LRRC56: variants seen among roughly 807,000 people sequenced by gnomAD.
LRRC56 encodes leucine-rich repeat-containing protein 56.
Under a neutral mutation model 47.8 loss-of-function variants are expected in LRRC56, and 41 were observed. The ratio of observed to expected loss-of-function variants is 0.86; its 90% CI spans 0.67 to 1.11. The LOEUF (loss-of-function observed/expected upper bound fraction) is 1.11. LRRC56 is among the 50% of genes most tolerant of loss of function. The pLI is 0.00. For missense variants in LRRC56, 759 were observed against 704.2 expected (o/e 1.08, Z -0.88); for synonymous variants, 387 against 311.2 (o/e 1.24, Z -2.56).
rs71022928 is a variant in LRRC56 at position 542,580 on chromosome 11, C to CAAAAAAAAAAAAAAAAA, written c.265+964_265+980dup. On this transcript the variant is annotated intron_variant, in intron 5 of 13. Transcript: ENST00000270115. Reference sequence around the variant, plus strand: ...TGGGCGACAGAGCAAAACCCTGTCGCAAAAAAAAAAAAAAAAAAAAAAAAC... The same window carrying CAAAAAAAAAAAAAAAAA: ...TGGGCGACAGAGCAAAACCCTGTCGCAAAAAAAAAAAAAAAAAAAAAAAAAAAAAAAAAAAAAAAAAC... 1.6e-3 allele frequency among the ~76,000 whole-genome samples: 42 copies of CAAAAAAAAAAAAAAAAA among 25,988 alleles called. 2 individuals carry two copies. Among genetic ancestry groups the CAAAAAAAAAAAAAAAAA allele is most frequent in the African/African-American group, 4.5e-3 (21 of 4,648 alleles). The allele number at this position is 25,988 out of a possible 152,430, so 17.0% of individuals were successfully genotyped here.
chr11:521,184 T>TA, the LRRC56 span, among the ~76,000 whole-genome samples: 96 of 152,298 alleles, frequency 6.3e-4, no homozygotes, highest in Non-Finnish European at 1.0e-3. Context: ...AGACCTTCAC[T>TA]AGCCACTGGT....
chr11:528,074 G>A, the LRRC56 span, among the ~76,000 whole-genome samples: 1 of 151,774 alleles, frequency 6.6e-6, no homozygotes, highest in East Asian at 2.0e-4. Context: ...GACCTCAGGT[G>A]ATCCACCCGC....
upstream of LRRC56, among the ~76,000 whole-genome samples, chr11:536,151 T>C (rs1851483580): frequency 6.6e-6 from 1 of 152,198 alleles, no homozygotes; most frequent in African/African-American, 2.4e-5. Context: ...CCGAGGACGC[T>C]TGCAGCCCCG....
the LRRC56 span, among the ~76,000 whole-genome samples, chr11:513,960 G>T: frequency 6.6e-6 from 1 of 152,138 alleles, no homozygotes; most frequent in African/African-American, 2.4e-5. Context: ...GTGATTGCTG[G>T]CACTTTCTAT....
chr11:549,778 TTC>T, intron 6 of LRRC56, 122 bp from the exon 7 acceptor site: 4 of 732,082 alleles, frequency 5.5e-6, no homozygotes, highest in Admixed American at 4.9e-5. Context: ...AGAGAGCCCC[TTC>T]CTCAGTCTAG....
the LRRC56 span, among the ~76,000 whole-genome samples, chr11:510,907 C>CTAAA: frequency 6.6e-6 from 1 of 150,688 alleles, no homozygotes; most frequent in Non-Finnish European, 1.5e-5. Context: ...AACCATGTCT[C>CTAAA]TAAATAAATA....
chr11:537,175 G>A (rs558043515), upstream of LRRC56: 3 of 152,372 alleles, frequency 2.0e-5, no homozygotes, highest in African/African-American at 7.2e-5. Flanking sequence ...CTCCAGCAGA[G>A]ACCGCCTTTA....
rs1378018060 is a variant in LRRC56, at chr11:541,199, G to T, written c.177+338G>T. ...CCAAAGAGGGGGGTCCTTCACTCAA[G>T]CGGGAGACCAGATGGCTCAAAGCTC... On this transcript the variant is annotated intron_variant, in intron 4 of 13. Transcript: ENST00000270115. This position sits in a 1 kb window ranked among gnomAD's most constrained non-coding sequence, Gnocchi z 4.1. Among the ~76,000 whole-genome samples the T allele has an allele frequency of 3.3e-5, 5 of 152,190 alleles. No individual in the cohort carries two copies. The highest frequency in any genetic ancestry group is 5.9e-5 in the Non-Finnish European group (4 of 68,024).
Position 551,282 on chromosome 11 carries a change from G to A in LRRC56, c.776G>A (p.Gly259Asp). ...GCGGTGAAGGAGGCCATCAAGAAGG[G>A]CAACGGCCTTCCCCCGCTGGGTACG... ...WLAVKEAIKK[G>D]NGLPPLDCPR... The change falls in exon 9 of 14, where the codon GGC becomes GAC. Residue 259 changes from glycine to aspartate, a missense_variant. By Grantham distance (94) the Gly-to-Asp change is moderately conservative. Transcript: ENST00000270115. 1 of 1,531,656 alleles carries A rather than the reference G, an allele frequency of 6.5e-7. No homozygotes were observed. The highest frequency in any genetic ancestry group is 8.8e-7 in the Non-Finnish European group (1 of 1,132,908). The allele number at this position is 1,531,656 out of a possible 1,614,324, so 94.9% of individuals were successfully genotyped here.
At chr11:535,764 G>A (rs897211707), upstream of LRRC56, among the ~76,000 whole-genome samples, 2 of 152,142 alleles carry the variant, frequency 1.3e-5, no homozygotes, top group African/African-American at 4.8e-5. Flanking sequence ...GTTGGGCTTG[G>A]CTGGAGACCG....
intron 6 of LRRC56, among the ~76,000 whole-genome samples, chr11:548,855 C>T (rs891685021): frequency 2.6e-5 from 4 of 152,192 alleles, no homozygotes; most frequent in East Asian, 1.9e-4. Flanking sequence ...TGGGAAGAGG[C>T]GTGAACTGAG....
At chr11:533,674 G>A (rs1467469423), upstream of LRRC56, 1 of 1,612,034 alleles carries the variant, frequency 6.2e-7, no homozygotes, top group South Asian at 1.1e-5. Flanking sequence ...TCCAGGACAT[G>A]CGCAGAGAGG....
the LRRC56 span, among the ~76,000 whole-genome samples, chr11:522,987 A>G: frequency 6.6e-6 from 1 of 151,946 alleles, no homozygotes. Context: ...TTTTCTATGT[A>G]CAGAGATAAT....
chr11:541,723 C>CTCGGGCCGCGTATCGGCTTCCTTA lies in LRRC56; in HGVS notation c.265+100_265+123dup, dbSNP rs1851804462. The CTCGGGCCGCGTATCGGCTTCCTTA allele has an allele frequency of 1.3e-6, 1 of 749,932 alleles. No individual in the cohort carries two copies. Among genetic ancestry groups the CTCGGGCCGCGTATCGGCTTCCTTA allele is most frequent in the African/African-American group, 1.8e-5 (1 of 54,884 alleles). 46.5% of individuals were successfully genotyped at this position (749,932 alleles called of 1,614,324 possible). ...TATGACGACAAAGCTGTCCTCACCT[C>CTCGGGCCGCGTATCGGCTTCCTTA]TCGGGCCGCGTATCGGCTTCCTTAG... On this transcript the variant is annotated intron_variant, in intron 5 of 13. Coordinates refer to ENST00000270115, the MANE Select transcript of LRRC56 (RefSeq NM_198075.4). This position sits in a 1 kb window ranked among gnomAD's most constrained non-coding sequence, Gnocchi z 4.1.
chr11:526,945 A>G, the LRRC56 span, among the ~76,000 whole-genome samples: 3 of 151,836 alleles, frequency 2.0e-5, no homozygotes, highest in African/African-American at 7.3e-5. Flanking sequence ...TAAAAAAAGA[A>G]AAAAAAAGAA....
chr11:513,586 C>T, the LRRC56 span, among the ~76,000 whole-genome samples: 14 of 152,072 alleles, frequency 9.2e-5, no homozygotes, highest in Admixed American at 9.2e-4. Context: ...GAGGATTTTC[C>T]AGTTGTGAGA....
chr11:513,183 A>G, the LRRC56 span, among the ~76,000 whole-genome samples: 1 of 152,138 alleles, frequency 6.6e-6, no homozygotes, highest in Non-Finnish European at 1.5e-5. Context: ...CTGCTCTTCC[A>G]GTTTGAATAT....
upstream of LRRC56, chr11:532,567 C>T (rs370005242): frequency 9.5e-6 from 15 of 1,571,204 alleles, no homozygotes; most frequent in African/African-American, 5.4e-5. Context: ...GCCAGGAGAC[C>T]GGCAGGGGCG....
chr11:534,398 GCCAGGCCCAGGCCCAGCC>G (rs1473520840), upstream of LRRC56: 2 of 1,230,258 alleles, frequency 1.6e-6, no homozygotes, highest in Non-Finnish European at 1.2e-6. Flanking sequence ...GCCCTGCTCA[GCCAGGCCCAGGCCCAGCC>G]CCAGGCCCCA....
Sources: allele counts gnomAD v4.1 joint callset (sites outside exome capture counted in the v4.1 genomes callset), GRCh38; gene constraint gnomAD v4.1.1; non-coding constraint Gnocchi (gnomAD v3.1); transcripts MANE v1.5; gene names NCBI Gene and HGNC (gene_info 2026-07-23, HGNC 2026-07-21).